GATAD2B: variants seen among roughly 807,000 people sequenced by gnomAD.
GATAD2B encodes transcriptional repressor p66-beta.
Under a neutral mutation model 64.3 loss-of-function variants are expected in GATAD2B, and 8 were observed. The ratio of observed to expected loss-of-function variants is 0.12; its 90% CI spans 0.07 to 0.22. The LOEUF is 0.22. Among genes scored for constraint, GATAD2B ranks in the 10% least tolerant of loss-of-function variants. The pLI is 1.00. For synonymous variants in GATAD2B, 281 were observed against 271.3 expected, an observed-to-expected ratio of 1.04 and a Z score of -0.35; for missense variants, 453 against 752.0, an observed-to-expected ratio of 0.60 and a Z score of 4.65.
At chr1:153,891,722 G>A (rs1677411455) in intron 1 of GATAD2B, among the ~76,000 whole-genome samples, 1 of 150,510 alleles carries the variant, frequency 6.6e-6, no homozygotes, top group African/African-American at 2.4e-5. Context: ...AGAAAGAGAT[G>A]TCCTTTTTTA....
chr1:153,853,670 A>T (rs1380415701), intron 1 of GATAD2B, among the ~76,000 whole-genome samples: 1 of 152,080 alleles, frequency 6.6e-6, no homozygotes, highest in Non-Finnish European at 1.5e-5. Flanking sequence ...ATATCCACGA[A>T]ATCATTGCCA....
chr1:153,903,679 C>T (rs887802993), intron 1 of GATAD2B, among the ~76,000 whole-genome samples: 2 of 152,158 alleles, frequency 1.3e-5, no homozygotes, highest in Non-Finnish European at 2.9e-5. Flanking sequence ...CCTAAATATT[C>T]TTTCCCAATA....
At chr1:153,854,311 G>A (rs1676008436) in intron 1 of GATAD2B, among the ~76,000 whole-genome samples, 1 of 152,142 alleles carries the variant, frequency 6.6e-6, no homozygotes, top group Non-Finnish European at 1.5e-5. Flanking sequence ...GCTGAGAGAG[G>A]AGAATGGTGT....
At position 153,805,354 on chromosome 1, in the gene GATAD2B, G is replaced by A. The variant is rs953548096; in HGVS notation, c.*4823C>T. The A allele has an allele frequency of 2.0e-5, 3 of 152,162 alleles. No individual in the cohort carries two copies. The highest frequency in any genetic ancestry group is 7.2e-5 in the African/African-American group (3 of 41,432). The allele number at this position is 152,162 out of a possible 1,614,324, so 9.4% of individuals were successfully genotyped here. A position where few individuals can be genotyped will look rare whatever the true frequency, so the allele number is the denominator to read the frequency against. On this transcript the variant is annotated 3_prime_UTR_variant, in exon 11 of 11. Coordinates refer to ENST00000368655, the MANE Select transcript of GATAD2B (RefSeq NM_020699.4). ...AGTTACACATCCTGTAGCTCACAAA[G>A]GGAGTAAATAACTAAAGCACCAACC...
chr1:153,909,147 G>A (rs1678041032), intron 1 of GATAD2B, among the ~76,000 whole-genome samples: 1 of 152,142 alleles, frequency 6.6e-6, no homozygotes, highest in Non-Finnish European at 1.5e-5. Context: ...GAGGGCTGTA[G>A]TGAGCCATGA....
At chr1:153,833,775 G>A (rs1313488410) in intron 1 of GATAD2B, among the ~76,000 whole-genome samples, 45 of 134,678 alleles carry the variant, frequency 3.3e-4, no homozygotes, top group South Asian at 6.9e-4. Flanking sequence ...ATGCCACTGC[G>A]CTCCAGCCTG....
chr1:153,849,890 C>A lies in GATAD2B; in HGVS notation c.-1-21542G>T, dbSNP rs560280614. Among the ~76,000 whole-genome samples, 78 of 152,270 alleles carry A rather than the reference C, an allele frequency of 5.1e-4. 1 individual carries two copies. Among genetic ancestry groups the A allele is most frequent in the Middle Eastern group, 6.8e-3 (2 of 294 alleles). On this transcript the variant is annotated intron_variant, in intron 1 of 10. Coordinates refer to ENST00000368655, the MANE Select transcript of GATAD2B (RefSeq NM_020699.4). ...CAGGTGATCCGCCTGGCTTGGCCTC[C>A]CAAAGTGCTGGGATTACAGGCATGA...
intron 1 of GATAD2B, among the ~76,000 whole-genome samples, chr1:153,880,312 CA>C (rs1001220132): frequency 6.6e-6 from 1 of 151,600 alleles, no homozygotes; most frequent in African/African-American, 2.4e-5. Flanking sequence ...AAAAAAATTA[CA>C]AAAATTAGCC....
chr1:153,876,345 C>T (rs1026956121), intron 1 of GATAD2B, among the ~76,000 whole-genome samples: 1 of 147,914 alleles, frequency 6.8e-6, no homozygotes, highest in Non-Finnish European at 1.5e-5. Context: ...TCGTACTATG[C>T]TATCTATATT....
intron 2 of GATAD2B, among the ~76,000 whole-genome samples, chr1:153,820,804 A>T (rs1170033384): frequency 2.0e-5 from 3 of 150,360 alleles, no homozygotes; most frequent in Non-Finnish European, 4.4e-5. Context: ...TAATTTTTGT[A>T]CTTTTTGTAG....
chr1:153,903,829 A>G (rs1677849380), intron 1 of GATAD2B, among the ~76,000 whole-genome samples: 1 of 152,108 alleles, frequency 6.6e-6, no homozygotes, highest in African/African-American at 2.4e-5. Flanking sequence ...CAAAAAATAC[A>G]AAAAATTAGC....
intron 1 of GATAD2B, among the ~76,000 whole-genome samples, chr1:153,909,552 A>G (rs866530555): frequency 6.6e-6 from 1 of 151,846 alleles, no homozygotes; most frequent in South Asian, 2.1e-4. Flanking sequence ...CTGTAATCAC[A>G]GCACTTTGGG....
chr1:153,850,170 AT>A (rs1441881006), intron 1 of GATAD2B, among the ~76,000 whole-genome samples: 1 of 152,176 alleles, frequency 6.6e-6, no homozygotes, highest in Non-Finnish European at 1.5e-5. Context: ...AGCTTTACAT[AT>A]GCTTCCGCTG....
chr1:153,850,010 T>A (rs978245766), intron 1 of GATAD2B, among the ~76,000 whole-genome samples: 3 of 152,174 alleles, frequency 2.0e-5, no homozygotes, highest in Admixed American at 2.0e-4. Flanking sequence ...AGGTAGTGTA[T>A]CTGTGACTCT....
At chr1:153,843,140 T>C (rs1416868207) in intron 1 of GATAD2B, among the ~76,000 whole-genome samples, 1 of 144,504 alleles carries the variant, frequency 6.9e-6, no homozygotes, top group African/African-American at 2.5e-5. Context: ...GTGCCTGGCA[T>C]TTTTTTTTTT....
At chr1:153,828,407 A>T (rs1674957331) in intron 1 of GATAD2B, 59 bp from the exon 2 acceptor site, 8 of 1,255,008 alleles carry the variant, frequency 6.4e-6, no homozygotes, top group Admixed American at 2.0e-5. Context: ...GTCCATTTTT[A>T]AAAAGGTGGA....
intron 8 of GATAD2B, 26 bp from the exon 9 acceptor site, chr1:153,812,158 A>T: frequency 1.1e-4 from 123 of 1,107,916 alleles, no homozygotes; most frequent in Non-Finnish European, 1.5e-4. Flanking sequence ...ACATCAGGTG[A>T]TTGAGCAGGA....
At chr1:153,825,617 G>A (rs1674849149) in intron 2 of GATAD2B, among the ~76,000 whole-genome samples, 1 of 152,112 alleles carries the variant, frequency 6.6e-6, no homozygotes. Flanking sequence ...GTAGAGACAA[G>A]GTTTCACCAT....
intron 7 of GATAD2B, 82 bp from the exon 8 acceptor site, chr1:153,813,534 G>T: frequency 7.7e-6 from 7 of 914,778 alleles, no homozygotes; most frequent in South Asian, 7.3e-5. Flanking sequence ...TTTTCCAGGA[G>T]TTTATTCTGT....
Sources: allele counts gnomAD v4.1 joint callset (sites outside exome capture counted in the v4.1 genomes callset), GRCh38; gene constraint gnomAD v4.1.1; transcripts MANE v1.5; gene names NCBI Gene and HGNC (gene_info 2026-07-23, HGNC 2026-07-21).